The following ZBTB20 variants were observed in gnomAD, a reference collection of about 807,000 sequenced individuals.
ZBTB20 encodes zinc finger and BTB domain-containing protein 20.
In ZBTB20, 9 loss-of-function variants were observed where a neutral mutation model predicts 56.9. The ratio of observed to expected loss-of-function variants is 0.16; its 90% CI spans 0.10 to 0.28. ZBTB20 has a LOEUF of 0.28. Among genes scored for constraint, ZBTB20 ranks in the 10% least tolerant of loss-of-function variants. The pLI, the probability that ZBTB20 is intolerant of heterozygous loss-of-function variation, is 1.00. For synonymous variants in ZBTB20, 417 were observed against 420.7 expected (o/e 0.99, Z 0.11); for missense variants, 655 against 1,003.0 (o/e 0.65, Z 4.69).
At chr3:114,806,535 C>T (rs1447806971) in intron 4 of ZBTB20, among the ~76,000 whole-genome samples, 2 of 151,794 alleles carry the variant, frequency 1.3e-5, no homozygotes, top group Non-Finnish European at 3.0e-5. Flanking sequence ...CAAATATTTT[C>T]GCCTGTCTTT....
At chr3:114,885,670 A>G (rs918995326) in intron 4 of ZBTB20, among the ~76,000 whole-genome samples, 7 of 152,236 alleles carry the variant, frequency 4.6e-5, no homozygotes, top group Non-Finnish European at 7.3e-5. Flanking sequence ...TATCAAAGGC[A>G]TATTTTCACA....
chr3:114,341,705 C>A (rs1243574368), intron 11 of ZBTB20, among the ~76,000 whole-genome samples: 2 of 152,150 alleles, frequency 1.3e-5, no homozygotes, highest in Non-Finnish European at 2.9e-5. Context: ...TTGGTTCTAC[C>A]ATTAATTATC....
chr3:114,602,752 T>C (rs2056859022), intron 6 of ZBTB20, among the ~76,000 whole-genome samples: 1 of 152,022 alleles, frequency 6.6e-6, no homozygotes, highest in South Asian at 2.1e-4. Context: ...AAAAGGCTTC[T>C]GTATAAAACT....
At chr3:115,050,123 G>T (rs2081487460) in intron 2 of ZBTB20, among the ~76,000 whole-genome samples, 1 of 151,894 alleles carries the variant, frequency 6.6e-6, no homozygotes. Context: ...TATCAAAGAT[G>T]AATTTAAAAC....
chr3:114,680,132 T>C (rs1202609605), intron 6 of ZBTB20, among the ~76,000 whole-genome samples: 1 of 152,096 alleles, frequency 6.6e-6, no homozygotes, highest in Non-Finnish European at 1.5e-5. Flanking sequence ...CCAGGGCCTA[T>C]CTGGGGGTCT....
intron 6 of ZBTB20, among the ~76,000 whole-genome samples, chr3:114,651,157 T>A (rs2060108613): frequency 6.6e-6 from 1 of 152,116 alleles, no homozygotes; most frequent in African/African-American, 2.4e-5. Context: ...TCAGCCAGGT[T>A]AATGTGCACT....
At chr3:115,057,735 G>A (rs895034003) in intron 2 of ZBTB20, among the ~76,000 whole-genome samples, 1 of 152,010 alleles carries the variant, frequency 6.6e-6, no homozygotes. Context: ...GCTTGTCTGT[G>A]GGTGATGATT....
intron 4 of ZBTB20, among the ~76,000 whole-genome samples, chr3:114,832,616 A>C (rs761732731): frequency 2.6e-5 from 4 of 152,128 alleles, no homozygotes; most frequent in Non-Finnish European, 5.9e-5. Context: ...GTCCTTGTAA[A>C]TCTAAAAGCT....
chr3:114,758,773 G>T (rs952548910), intron 5 of ZBTB20: 3 of 151,994 alleles, frequency 2.0e-5, no homozygotes, highest in African/African-American at 7.2e-5. Flanking sequence ...TCAGAAATAC[G>T]CTGAGCTCCA....
intron 3 of ZBTB20, among the ~76,000 whole-genome samples, chr3:114,967,601 A>C (rs930682558): frequency 6.6e-6 from 1 of 152,156 alleles, no homozygotes; most frequent in Admixed American, 6.6e-5. Flanking sequence ...GGGAAAAAAA[A>C]GGGGGGAAAG....
intron 4 of ZBTB20, among the ~76,000 whole-genome samples, chr3:114,892,541 G>A (rs1231067911): frequency 6.6e-6 from 1 of 152,064 alleles, no homozygotes; most frequent in Non-Finnish European, 1.5e-5. Context: ...TATTAATTTC[G>A]GCACCAGTGA....
At chr3:114,679,078 A>C (rs1257940832) in intron 6 of ZBTB20, among the ~76,000 whole-genome samples, 1 of 152,234 alleles carries the variant, frequency 6.6e-6, no homozygotes, top group Non-Finnish European at 1.5e-5. Flanking sequence ...CTGGCTAGTC[A>C]TATGCAGAAA....
intron 8 of ZBTB20, among the ~76,000 whole-genome samples, chr3:114,385,583 T>A (rs1387693426): frequency 6.6e-6 from 1 of 152,170 alleles, no homozygotes; most frequent in African/African-American, 2.4e-5. Context: ...AGAAGACATT[T>A]CCGGGCAAGG....
intron 3 of ZBTB20, among the ~76,000 whole-genome samples, chr3:114,923,118 G>C (rs761281995): frequency 6.6e-6 from 1 of 152,204 alleles, no homozygotes; most frequent in Non-Finnish European, 1.5e-5. Flanking sequence ...TTCGTGAATT[G>C]AAAGAATTGC....
At chr3:114,545,920 A>C (rs1003440547) in intron 6 of ZBTB20, among the ~76,000 whole-genome samples, 11 of 152,122 alleles carry the variant, frequency 7.2e-5, no homozygotes, top group Non-Finnish European at 1.6e-4. Flanking sequence ...CTGCCATCAG[A>C]TTTTATTAGG....
chr3:114,640,188 T>C (rs1187001265), intron 6 of ZBTB20, among the ~76,000 whole-genome samples: 2 of 152,052 alleles, frequency 1.3e-5, no homozygotes, highest in African/African-American at 4.8e-5. Flanking sequence ...GGATATTGCA[T>C]AGATCATGTC....
At position 114,324,903 on chromosome 3, in the gene ZBTB20, C is replaced by T. The variant is rs2079012895; in HGVS notation, c.*14102G>A. On this transcript the variant is annotated 3_prime_UTR_variant, in exon 12 of 12. Transcript: ENST00000675478. The stretch of plus-strand genomic sequence containing the variant: ...GTCTGCTTGTCTGCTCATACCCACA[C>T]ATGCATGCTGTAAGTCTCAAGAGAA... The T allele has an allele frequency of 6.6e-6, 1 of 152,164 alleles. No individual in the cohort carries two copies. Among genetic ancestry groups the T allele is most frequent in the Non-Finnish European group, 1.5e-5 (1 of 68,036 alleles). The allele number at this position is 152,164 out of a possible 1,614,324, so 9.4% of individuals were successfully genotyped here.
At chr3:114,694,084 C>T (rs959012687) in intron 5 of ZBTB20, among the ~76,000 whole-genome samples, 2 of 151,910 alleles carry the variant, frequency 1.3e-5, no homozygotes, top group Non-Finnish European at 2.9e-5. Flanking sequence ...ATTATTTACC[C>T]TCGGTTTCAT....
At chr3:114,504,284 G>A (rs561106269) in intron 6 of ZBTB20, among the ~76,000 whole-genome samples, 22 of 152,076 alleles carry the variant, frequency 1.4e-4, no homozygotes, top group African/African-American at 5.1e-4. Flanking sequence ...ACCGAGCAGA[G>A]AGATGATAAT....
Sources: allele counts gnomAD v4.1 joint callset (sites outside exome capture counted in the v4.1 genomes callset), GRCh38; gene constraint gnomAD v4.1.1; transcripts MANE v1.5; gene names NCBI Gene and HGNC (gene_info 2026-07-23, HGNC 2026-07-21).